Variants in UGT2B7 observed in about 807,000 individuals in gnomAD.
UGT2B7 encodes UDP-glucuronosyltransferase 2B7.
UGT2B7 carries 51 observed loss-of-function variants against 51.9 expected under a neutral mutation model. The observed-to-expected ratio is 0.98, with a 90% CI of 0.78 to 1.24. UGT2B7 has a LOEUF of 1.24. Ranked by LOEUF, UGT2B7 falls within the 50% of genes most tolerant of loss-of-function variation. The pLI is 0.00. For missense variants in UGT2B7, 727 were observed against 628.4 expected, an observed-to-expected ratio of 1.16 and a Z score of -1.68; for synonymous variants, 225 against 211.6, an observed-to-expected ratio of 1.06 and a Z score of -0.55.
intron 2 of UGT2B7, among the ~76,000 whole-genome samples, chr4:69,090,118 G>C (rs1009150966): frequency 3.3e-5 from 5 of 152,096 alleles, no homozygotes; most frequent in African/African-American, 1.2e-4. Context: ...GAATTAAAAG[G>C]CAATTACAAT....
rs556228199 is a variant in UGT2B7 at position 69,071,804 on chromosome 4, C to T, written c.-158-17668C>T. On this transcript the variant is annotated intron_variant, in intron 1 of 5. Coordinates refer to the UGT2B7 transcript ENST00000502942. ...GCCAAGTACAAGAAAAAAAGTGTAA[C>T]GTATTAGTACTTTTTATAGTAATGT... Among the ~76,000 whole-genome samples, 22 of 152,002 alleles carry T rather than the reference C, an allele frequency of 1.4e-4. No homozygotes were observed. The South Asian group carries it at 2.3e-3, about 16-fold the overall frequency.
intron 1 of UGT2B7, chr4:69,089,416 T>C (rs1719035086): frequency 6.6e-6 from 1 of 152,184 alleles, no homozygotes; most frequent in Non-Finnish European, 1.5e-5. Flanking sequence ...ATAAGTAAAC[T>C]ATATTATTCT....
At chr4:69,054,343 G>A (rs1462990811) in intron 1 of UGT2B7, among the ~76,000 whole-genome samples, 2 of 152,252 alleles carry the variant, frequency 1.3e-5, no homozygotes, top group South Asian at 2.1e-4. Flanking sequence ...CAAGGGCCCT[G>A]GCAGCAATGG....
intron 1 of UGT2B7, 61 bp from the exon 2 acceptor site, chr4:69,098,479 A>C (rs879490087): frequency 8.0e-5 from 126 of 1,567,084 alleles, no homozygotes; most frequent in Non-Finnish European, 9.9e-5. Flanking sequence ...AACCCCTTTC[A>C]GAAATTTACC....
intron 5 of UGT2B7, 107 bp downstream of exon 5, chr4:69,108,429 T>G (rs1719678195): frequency 7.7e-7 from 1 of 1,306,566 alleles, no homozygotes; most frequent in Admixed American, 2.5e-5. Context: ...TTGAAAGAAT[T>G]TAAATGATTT....
chr4:69,084,330 T>TTCTTTCTCTCTCTC (rs1553912556), intron 1 of UGT2B7, among the ~76,000 whole-genome samples: 1 of 148,124 alleles, frequency 6.8e-6, no homozygotes, highest in Non-Finnish European at 1.5e-5. Context: ...TCTATAAATT[T>TTCTTTCTCTCTCTC]TCTCTCTCTC....
intron 1 of UGT2B7, among the ~76,000 whole-genome samples, chr4:69,074,445 T>TATATATAA (rs761833298): frequency 2.3e-4 from 25 of 106,520 alleles, no homozygotes; most frequent in East Asian, 4.3e-4. Context: ...TATATATATA[T>TATATATAA]AAATTAAAAA....
chr4:69,086,563 T>C (rs1267262987), intron 1 of UGT2B7, among the ~76,000 whole-genome samples: 2 of 151,936 alleles, frequency 1.3e-5, no homozygotes, highest in Non-Finnish European at 2.9e-5. Context: ...TTTTTATTAT[T>C]GTAAGTAAAG....
At chr4:69,097,474 C>G (rs966032373) in intron 1 of UGT2B7, among the ~76,000 whole-genome samples, 3 of 152,046 alleles carry the variant, frequency 2.0e-5, no homozygotes, top group African/African-American at 7.2e-5. Flanking sequence ...AATCATAAAC[C>G]TATACATTAG....
upstream of UGT2B7, among the ~76,000 whole-genome samples, chr4:69,091,643 C>A (rs541575686): frequency 3.9e-5 from 6 of 152,256 alleles, no homozygotes; most frequent in South Asian, 1.0e-3. Context: ...TGGGAGCTAC[C>A]ATCACAGTTT....
At position 69,056,682 on chromosome 4, in the gene UGT2B7, C is replaced by A. The variant is rs201604671; in HGVS notation, c.-159+5080C>A. ...GAACCTACTTACCGCTCCTTTGTTTCCTACCTGTACTTCTTCAAATGATAA... is the reference window on the plus strand; with the variant it reads ...GAACCTACTTACCGCTCCTTTGTTTACTACCTGTACTTCTTCAAATGATAA... On this transcript the variant is annotated intron_variant, in intron 1 of 5. Transcript: ENST00000502942. 2.2e-4 allele frequency among the ~76,000 whole-genome samples: 33 copies of A among 152,014 alleles called. No homozygotes were observed. In the East Asian group the frequency reaches 6.4e-3, roughly 29 times the overall value.
At chr4:69,059,245 C>T (rs996343786) in intron 1 of UGT2B7, among the ~76,000 whole-genome samples, 2 of 152,184 alleles carry the variant, frequency 1.3e-5, no homozygotes, top group African/African-American at 4.8e-5. Context: ...GGCCACTATC[C>T]AAGAACTGTG....
intron 1 of UGT2B7, among the ~76,000 whole-genome samples, chr4:69,064,094 A>AGAGAG (rs1718429376): frequency 5.4e-4 from 46 of 84,436 alleles, no homozygotes; most frequent in Non-Finnish European, 7.1e-4. Context: ...GAAAGAAAGA[A>AGAGAG]AGAGAAAGAA....
chr4:69,064,094 A>AAGAAAGAGAGAGAGAGAGAG (rs1560499755), intron 1 of UGT2B7, among the ~76,000 whole-genome samples: 1 of 84,482 alleles, frequency 1.2e-5, no homozygotes, highest in Non-Finnish European at 2.4e-5. Flanking sequence ...GAAAGAAAGA[A>AAGAAAGAGAGAGAGAGAGAG]AGAGAAAGAA....
intron 3 of UGT2B7, among the ~76,000 whole-genome samples, chr4:69,104,324 A>G (rs1719526058): frequency 6.6e-6 from 1 of 152,164 alleles, no homozygotes. Flanking sequence ...TTCAGGATCT[A>G]GAAGTCTTAT....
chr4:69,081,558 A>C (rs72642965), intron 1 of UGT2B7, among the ~76,000 whole-genome samples: 1,607 of 152,178 alleles, frequency 0.011, 9 homozygotes, highest in Non-Finnish European at 0.015. Flanking sequence ...TTTCAACCAA[A>C]ATTTTTCTTT....
chr4:69,108,991 C>T (rs568053011), intron 5 of UGT2B7, among the ~76,000 whole-genome samples: 62 of 151,586 alleles, frequency 4.1e-4, no homozygotes, highest in Admixed American at 1.6e-3. Context: ...TGGAATCATA[C>T]AGTTTAGGGT....
chr4:69,098,812 C>A lies in UGT2B7; in HGVS notation c.870+124C>A, dbSNP rs897857154. On this transcript the variant is annotated intron_variant, in intron 2 of 5. Transcript: ENST00000305231. ...AAGATGGGAAATGGGTGGGGTAAAG[C>A]AGATACCAATTAGAAACTCATGTGC... The A allele has an allele frequency of 6.7e-6, 10 of 1,490,424 alleles. No individual in the cohort carries two copies. In the African/African-American group the frequency reaches 1.1e-4, roughly 17 times the overall value. The allele number at this position is 1,490,424 out of a possible 1,614,324, so 92.3% of individuals were successfully genotyped here.
chr4:69,112,094 TGATA>T (rs2109897199), intron 5 of UGT2B7, among the ~76,000 whole-genome samples: 1 of 152,284 alleles, frequency 6.6e-6, no homozygotes, highest in East Asian at 1.9e-4. Context: ...ACCCTGTGCC[TGATA>T]GTTAAAGATC....
Sources: allele counts gnomAD v4.1 joint callset (sites outside exome capture counted in the v4.1 genomes callset), GRCh38; gene constraint gnomAD v4.1.1; transcripts MANE v1.5; gene names NCBI Gene and HGNC (gene_info 2026-07-23, HGNC 2026-07-21).